Variants in IPO9 observed in about 807,000 individuals in gnomAD.
The protein encoded by IPO9 is importin-9.
A neutral mutation model predicts 128.6 loss-of-function variants in IPO9; 28 were observed. The ratio of observed to expected loss-of-function variants is 0.22; its 90% CI spans 0.16 to 0.30. The LOEUF (loss-of-function observed/expected upper bound fraction) is 0.30. IPO9 is among the 10% of genes least tolerant of loss of function. The pLI, the probability that IPO9 is intolerant of heterozygous loss-of-function variation, is 1.00. For synonymous variants in IPO9, 455 were observed against 475.8 expected (o/e 0.96, Z 0.57); for missense variants, 935 against 1,293.9 (o/e 0.72, Z 4.26).
rs1436059407 is a variant in IPO9 at position 201,870,393 on chromosome 1, T to C, written c.2134-190T>C. The stretch of plus-strand genomic sequence containing the variant: ...GATAGCTGATTAGGTAAAGGGGGAA[T>C]TATGTAATGCACGTCTATGTCTGTA... On this transcript the variant is annotated intron_variant, in intron 17 of 23. Coordinates refer to ENST00000361565, the MANE Select transcript of IPO9 (RefSeq NM_018085.5). The surrounding 1 kb of genome is among the most constrained non-coding windows in gnomAD (Gnocchi z 4.9). Among the ~76,000 whole-genome samples the C allele has an allele frequency of 6.6e-6, 1 of 152,200 alleles. No individual in the cohort carries two copies. Among genetic ancestry groups the C allele is most frequent in the African/African-American group, 2.4e-5 (1 of 41,450 alleles).
chr1:201,852,889 C>T (rs1212729386), intron 5 of IPO9, 122 bp from the exon 6 acceptor site: 10 of 735,242 alleles, frequency 1.4e-5, no homozygotes, highest in Non-Finnish European at 2.2e-5. Context: ...TCCCATTTCT[C>T]GAGGGCATCC....
intron 4 of IPO9, among the ~76,000 whole-genome samples, chr1:201,849,848 C>A (rs1680185974): frequency 6.6e-6 from 1 of 152,210 alleles, no homozygotes; most frequent in African/African-American, 2.4e-5. Context: ...TTTGACTTCT[C>A]TGCTTATTGC....
At chr1:201,866,068 G>A (rs191978374) in intron 14 of IPO9, among the ~76,000 whole-genome samples, 140 of 152,300 alleles carry the variant, frequency 9.2e-4, no homozygotes, top group Admixed American at 3.5e-3. Context: ...TCTTTAACTT[G>A]TGTTACTCCT....
At chr1:201,843,827 C>CA (rs35870198) in intron 1 of IPO9, among the ~76,000 whole-genome samples, 2,441 of 95,786 alleles carry the variant, frequency 0.025, 53 homozygotes, top group East Asian at 0.071. Context: ...GATTCTGTCT[C>CA]AAAAAAAAAA....
At position 201,864,522 on chromosome 1, in the gene IPO9, G is replaced by A. The variant is rs185133716; in HGVS notation, c.1628+915G>A. On this transcript the variant is annotated intron_variant, in intron 14 of 23. Transcript: ENST00000361565. ...TAAGGGTTTTTCTGAGTTTGTACCT[G>A]TGGTCACTGCCTGTTTAGCTTCTGA... is the stretch of plus-strand genomic sequence containing the variant. Among the ~76,000 whole-genome samples, 5 of 152,366 alleles carry A rather than the reference G, an allele frequency of 3.3e-5. No homozygotes were observed. The East Asian group carries it at 9.6e-4, about 29-fold the overall frequency.
At position 201,876,400 on chromosome 1, in the gene IPO9, C is replaced by T. The variant is rs181639006; in HGVS notation, c.*346C>T. On this transcript the variant is annotated 3_prime_UTR_variant, in exon 24 of 24. Coordinates refer to ENST00000361565, the MANE Select transcript of IPO9 (RefSeq NM_018085.5). Reference sequence around the variant, plus strand: ...TATGTGTTTATGGATTATTTTGCCCCGCCTCAGGAGCGCAGGAAGTCACTA... The same window carrying T: ...TATGTGTTTATGGATTATTTTGCCCTGCCTCAGGAGCGCAGGAAGTCACTA... 244 of 398,414 alleles carry T rather than the reference C, an allele frequency of 6.1e-4. No individual in the cohort carries two copies. The East Asian group carries it at 0.01, about 17-fold the overall frequency. 24.7% of individuals were successfully genotyped at this position (398,414 alleles called of 1,614,324 possible).
At chr1:201,836,284 A>G (rs1679921626) in intron 1 of IPO9, among the ~76,000 whole-genome samples, 1 of 152,316 alleles carries the variant, frequency 6.6e-6, no homozygotes, top group African/African-American at 2.4e-5. Context: ...ACTACGTAAC[A>G]GAAACCAATG....
intron 20 of IPO9, among the ~76,000 whole-genome samples, chr1:201,873,611 G>A (rs1047321943): frequency 1.3e-5 from 2 of 151,848 alleles, no homozygotes; most frequent in African/African-American, 2.4e-5. Flanking sequence ...GCCAGGCATG[G>A]TGGCGCATGC....
chr1:201,849,283 G>T (rs1162023319), intron 4 of IPO9, among the ~76,000 whole-genome samples: 1 of 152,104 alleles, frequency 6.6e-6, no homozygotes, highest in Non-Finnish European at 1.5e-5. Flanking sequence ...ACCTGATTAA[G>T]CTATCAATCC....
intron 5 of IPO9, among the ~76,000 whole-genome samples, 167 bp downstream of exon 5, chr1:201,852,359 C>G (rs1051430774): frequency 6.6e-6 from 1 of 152,220 alleles, no homozygotes; most frequent in African/African-American, 2.4e-5. Flanking sequence ...CACTCAACTA[C>G]AAGGGCAAGC....
At chr1:201,857,603 C>A (rs1402547468) in intron 11 of IPO9, among the ~76,000 whole-genome samples, 2 of 152,070 alleles carry the variant, frequency 1.3e-5, no homozygotes, top group Non-Finnish European at 2.9e-5. Flanking sequence ...CAAGACTAGC[C>A]TGACCAACAT....
At chr1:201,849,029 A>G (rs1040240099) in intron 4 of IPO9, among the ~76,000 whole-genome samples, 1 of 152,240 alleles carries the variant, frequency 6.6e-6, no homozygotes, top group Middle Eastern at 3.2e-3. Flanking sequence ...TACTATGATT[A>G]TCATTATTAC....
chr1:201,857,115 A>T lies in IPO9; in HGVS notation c.1142A>T (p.Asn381Ile). The change falls in exon 11 of 24, where the codon AAC becomes ATC. Residue 381 changes from asparagine to isoleucine, a missense_variant. Transcript: ENST00000361565. ...TTTCAGATTAAAGTATGGACAGCCAACCCCCAACAATTTGTAGAAGATGAA... is the reference window on the plus strand; with the variant it reads ...TTTCAGATTAAAGTATGGACAGCCATCCCCCAACAATTTGTAGAAGATGAA... ...TEEQIKVWTA[N>I]PQQFVEDEDD... 1.9e-6 allele frequency: 3 copies of T among 1,611,226 alleles called. No individual in the cohort carries two copies. The highest frequency in any genetic ancestry group is 2.5e-6 in the Non-Finnish European group (3 of 1,177,446).
chr1:201,864,567 C>A (rs1266864988), intron 14 of IPO9, among the ~76,000 whole-genome samples: 1 of 152,200 alleles, frequency 6.6e-6, no homozygotes, highest in Non-Finnish European at 1.5e-5. Context: ...AACTTGATTT[C>A]ATTGGAGAAT....
At chr1:201,860,678 C>G (rs1004603525) in intron 13 of IPO9, among the ~76,000 whole-genome samples, 1 of 152,154 alleles carries the variant, frequency 6.6e-6, no homozygotes, top group Admixed American at 6.5e-5. Flanking sequence ...CATTCTGAAA[C>G]TTTTTGGTTA....
chr1:201,846,674 G>T (rs988247477), intron 1 of IPO9, among the ~76,000 whole-genome samples: 7 of 151,616 alleles, frequency 4.6e-5, no homozygotes, highest in Admixed American at 1.3e-4. Context: ...CGCCCAGCCT[G>T]TTTTGCTTTT....
chr1:201,854,057 G>A (rs1680274605), intron 6 of IPO9, among the ~76,000 whole-genome samples: 1 of 152,076 alleles, frequency 6.6e-6, no homozygotes, highest in South Asian at 2.1e-4. Flanking sequence ...TATTTGTAGA[G>A]ACGGGGTCTC....
intron 3 of IPO9, 64 bp from the exon 4 acceptor site, chr1:201,848,329 G>T: frequency 7.2e-7 from 1 of 1,392,692 alleles, no homozygotes; most frequent in South Asian, 1.2e-5. Flanking sequence ...GTTCCCAATT[G>T]AACTGGGCTC....
chr1:201,855,303 A>G, intron 9 of IPO9, 121 bp downstream of exon 9: 1 of 630,550 alleles, frequency 1.6e-6, no homozygotes, highest in Non-Finnish European at 2.9e-6. Flanking sequence ...TTTCTAATTC[A>G]GTTTATTTTC....
Sources: gnomAD v4.1 joint callset for allele counts (sites outside exome capture counted in the v4.1 genomes callset) on GRCh38, gnomAD v4.1.1 for gene constraint, Gnocchi (gnomAD v3.1) non-coding constraint, MANE v1.5 for transcripts, NCBI Gene and HGNC (gene_info 2026-07-23, HGNC 2026-07-21) for gene names.